VWF: variants seen among roughly 807,000 people sequenced by gnomAD.
VWF encodes the protein von Willebrand factor, also known as Factor VIII related antigen.
VWF carries 176 observed loss-of-function variants against 308.6 expected under a neutral mutation model. That is an observed-to-expected ratio of 0.57 (90% confidence interval 0.50 to 0.65). The LOEUF (loss-of-function observed/expected upper bound fraction) is 0.65. Among genes scored for constraint, VWF ranks in the 30% least tolerant of loss-of-function variants. The probability of loss-of-function intolerance (pLI) is 0.00; values close to 1 mark genes in which losing one functional copy is unlikely to be tolerated. For synonymous variants in VWF, 1,385 were observed against 1,443.4 expected (o/e 0.96, Z 0.92); for missense variants, 3,146 against 3,648.2 (o/e 0.86, Z 3.55).
rs58741748 is a variant in VWF, at chr12:6,113,935, C to T, written c.221-2967G>A. ...CACTGGAGACCTGCCAGAGCAGAAG[C>T]CTCCACCTGCCAGATGGCAGACAAA... On this transcript the variant is annotated intron_variant, in intron 3 of 51. Coordinates refer to ENST00000261405, the MANE Select transcript of VWF (RefSeq NM_000552.5). 6.1e-3 allele frequency among the ~76,000 whole-genome samples: 923 copies of T among 152,342 alleles called. 10 individuals are homozygous for T. The highest frequency in any genetic ancestry group is 0.02 in the African/African-American group (845 of 41,572).
At chr12:5,955,438 A>T (rs1053106587) in intron 47 of VWF, among the ~76,000 whole-genome samples, 2 of 151,752 alleles carry the variant, frequency 1.3e-5, no homozygotes, top group Non-Finnish European at 2.9e-5. Flanking sequence ...TCATTGTTCA[A>T]TTCCCATCTA....
chr12:6,000,667 C>A (rs2136392688), intron 34 of VWF, among the ~76,000 whole-genome samples: 1 of 151,924 alleles, frequency 6.6e-6, no homozygotes, highest in South Asian at 2.1e-4. Flanking sequence ...GAAAAATTAG[C>A]CAGGCGTGGT....
intron 3 of VWF, among the ~76,000 whole-genome samples, chr12:6,115,918 T>G (rs1443639226): frequency 6.6e-6 from 1 of 152,170 alleles, no homozygotes; most frequent in African/African-American, 2.4e-5. Flanking sequence ...GAGCCTACAC[T>G]CAGGCTTTTT....
At chr12:6,076,453 T>C (rs1944846075) in intron 6 of VWF, among the ~76,000 whole-genome samples, 1 of 152,194 alleles carries the variant, frequency 6.6e-6, no homozygotes, top group Non-Finnish European at 1.5e-5. Flanking sequence ...AGAACAATGG[T>C]GTGTCTTAGA....
chr12:6,113,985 G>T (rs529532264), intron 3 of VWF, among the ~76,000 whole-genome samples: 9 of 152,244 alleles, frequency 5.9e-5, no homozygotes. Flanking sequence ...CTGGGCTCAG[G>T]GGTCTGTGTC....
chr12:5,953,382 GA>G (rs1565807172), intron 48 of VWF, 113 bp downstream of exon 48: 1 of 762,994 alleles, frequency 1.3e-6, no homozygotes, highest in Non-Finnish European at 2.3e-6. Flanking sequence ...GAAAGAAATA[GA>G]AAAAGAAGCC....
rs191717542 is a variant in VWF at position 5,962,841 on chromosome 12, G to A, written c.7887+4645C>T. ...TGGGATTACAGGCGTGAGCCAGCAC[G>A]CCCGGCCAGCAATTCATTTTTTACA... is the stretch of plus-strand genomic sequence containing the variant. On this transcript the variant is annotated intron_variant, in intron 47 of 51. Coordinates refer to ENST00000261405, the MANE Select transcript of VWF (RefSeq NM_000552.5). 2.6e-3 allele frequency among the ~76,000 whole-genome samples: 394 copies of A among 152,232 alleles called. 1 individual carries two copies. The highest frequency in any genetic ancestry group is 8.8e-3 in the African/African-American group (364 of 41,560).
rs138670575 is a variant in VWF at position 6,018,833 on chromosome 12, C to G, written c.4585G>C (p.Asp1529His). ...ACGTGGATGCTGTCCTGGCCCACAT[C>G]CATCCGCTGAATCACCTCCTCCATG... ...EFMEEVIQRM[D>H]VGQDSIHVTV... The change falls in exon 28 of 52, where the codon GAT becomes CAT. Residue 1529 changes from aspartate (D) to histidine (H), a missense_variant. By Grantham distance (81) the Asp-to-His change is moderately conservative (BLOSUM62 -1). This residue lies in a region of VWF where 853 missense variants were observed against 1,177.8 expected (regional missense o/e 0.72). Transcript: ENST00000261405. 101 of 1,613,846 alleles carry G rather than the reference C, an allele frequency of 6.3e-5. No individual in the cohort carries two copies. In the East Asian group the frequency reaches 2.2e-3, roughly 35 times the overall value.
intron 5 of VWF, among the ~76,000 whole-genome samples, chr12:6,103,429 CACGTGTGTATATACATACACAT>C (rs1206866810): frequency 3.4e-5 from 4 of 119,046 alleles, no homozygotes; most frequent in Admixed American, 7.8e-5. Flanking sequence ...TGTGTATACA[CACGTGTGTATATACATACACAT>C]ATATGTGTAT....
At chr12:6,081,488 C>T (rs779146294) in intron 6 of VWF, among the ~76,000 whole-genome samples, 3 of 152,128 alleles carry the variant, frequency 2.0e-5, no homozygotes, top group South Asian at 2.1e-4. Context: ...TACAGGTACG[C>T]GCAACCATGC....
chr12:5,971,791 G>T, intron 43 of VWF, 82 bp from the exon 44 acceptor site: 3 of 1,238,978 alleles, frequency 2.4e-6, no homozygotes, highest in Non-Finnish European at 3.6e-6. Flanking sequence ...TGCGTACTGA[G>T]CCCTGGGGTT....
chr12:6,092,517 GTC>G (rs56143455), intron 6 of VWF, among the ~76,000 whole-genome samples: 43,596 of 147,342 alleles, frequency 0.3, 7,956 homozygotes, highest in African/African-American at 0.49. Context: ...GTATGTGTTT[GTC>G]TGTGTGTGTG....
chr12:6,043,738 C>T (rs1181015878), intron 18 of VWF, among the ~76,000 whole-genome samples: 2 of 152,188 alleles, frequency 1.3e-5, no homozygotes, highest in African/African-American at 4.8e-5. Flanking sequence ...GCACCGGAGT[C>T]ATGGAATGTT....
chr12:5,982,684 T>C (rs1359575507), intron 41 of VWF, among the ~76,000 whole-genome samples: 2 of 152,184 alleles, frequency 1.3e-5, no homozygotes, highest in East Asian at 3.9e-4. Flanking sequence ...TGGTTTCTTG[T>C]CGTGTCTTAT....
intron 5 of VWF, among the ~76,000 whole-genome samples, chr12:6,103,331 A>T (rs371367283): frequency 2.7e-5 from 4 of 146,518 alleles, no homozygotes; most frequent in Admixed American, 1.4e-4. Flanking sequence ...CGTCTCAAAA[A>T]ATATATATAT....
intron 5 of VWF, among the ~76,000 whole-genome samples, chr12:6,109,250 C>T (rs1945277468): frequency 6.7e-6 from 1 of 149,970 alleles, no homozygotes; most frequent in African/African-American, 2.5e-5. Flanking sequence ...GACACACACA[C>T]ACACGTGTAT....
chr12:6,104,097 G>A (rs996420229), intron 5 of VWF, among the ~76,000 whole-genome samples: 1 of 152,012 alleles, frequency 6.6e-6, no homozygotes, highest in South Asian at 2.1e-4. Context: ...AATAATATCA[G>A]CAAGAAGTGG....
intron 18 of VWF, 43 bp downstream of exon 18, chr12:6,044,248 G>A: frequency 6.2e-7 from 1 of 1,611,724 alleles, no homozygotes; most frequent in Non-Finnish European, 8.5e-7. Flanking sequence ...CTGCCTACAA[G>A]AAAACTGAAG....
intron 38 of VWF, among the ~76,000 whole-genome samples, chr12:5,991,340 T>C (rs1689726698): frequency 6.6e-6 from 1 of 152,208 alleles, no homozygotes. Context: ...TATGGTTAGC[T>C]GGTGTTCTTT....
Sources: allele counts gnomAD v4.1 joint callset (sites outside exome capture counted in the v4.1 genomes callset), GRCh38; gene constraint gnomAD v4.1.1; regional missense constraint gnomAD v4.1.1; transcripts MANE v1.5; gene names NCBI Gene and HGNC (gene_info 2026-07-23, HGNC 2026-07-21).